Variants in PTPN3 observed in about 807,000 individuals in gnomAD.
The protein encoded by PTPN3 is tyrosine-protein phosphatase non-receptor type 3.
A neutral mutation model predicts 132.7 loss-of-function variants in PTPN3; 96 were observed. That is an observed-to-expected ratio of 0.72 (90% CI 0.61 to 0.86). The LOEUF (loss-of-function observed/expected upper bound fraction) is 0.86, where lower values mean the gene tolerates loss of function less well. Ranked by LOEUF, PTPN3 falls within the 40% of genes least tolerant of loss-of-function variation. PTPN3 has a pLI of 0.00. For synonymous variants in PTPN3, 398 were observed against 429.0 expected (o/e 0.93, Z 0.89); for missense variants, 1,125 against 1,159.6 (o/e 0.97, Z 0.43).
At chr9:109,500,000 A>C (rs1023319840), upstream of PTPN3, among the ~76,000 whole-genome samples, 3 of 152,200 alleles carry the variant, frequency 2.0e-5, no homozygotes, top group Admixed American at 1.3e-4. Context: ...CTGGAGGGGC[A>C]GGCGACGCCC....
chr9:109,390,339 C>T (rs1035065746), intron 21 of PTPN3, among the ~76,000 whole-genome samples: 13 of 152,192 alleles, frequency 8.5e-5, no homozygotes, highest in Admixed American at 1.3e-4. Flanking sequence ...GACCACGTAT[C>T]GCCTGAAGGC....
the PTPN3 span, among the ~76,000 whole-genome samples, chr9:109,537,146 A>C: frequency 4.7e-4 from 71 of 152,346 alleles, no homozygotes; most frequent in African/African-American, 1.7e-3. Context: ...AGATTAAGAA[A>C]GCATTAACAA....
chr9:109,380,419 C>T (rs1021600491), intron 25 of PTPN3, among the ~76,000 whole-genome samples: 4 of 152,166 alleles, frequency 2.6e-5, no homozygotes, highest in Non-Finnish European at 5.9e-5. Flanking sequence ...CCATGCCTGG[C>T]TAATTTTTGT....
At chr9:109,431,516 A>G (rs577915969) in intron 10 of PTPN3, among the ~76,000 whole-genome samples, 36 of 152,332 alleles carry the variant, frequency 2.4e-4, no homozygotes, top group African/African-American at 8.7e-4. Context: ...GCCCCAGCCC[A>G]CCAAGCAGGC....
At chr9:109,535,709 G>A in the PTPN3 span, among the ~76,000 whole-genome samples, 8 of 152,022 alleles carry the variant, frequency 5.3e-5, no homozygotes, top group African/African-American at 1.7e-4. Flanking sequence ...GTTTCACCAC[G>A]TTGGCCAGGC....
At chr9:109,533,907 G>A in the PTPN3 span, 5 of 753,354 alleles carry the variant, frequency 6.6e-6, no homozygotes, top group South Asian at 4.5e-5. Flanking sequence ...TAAGGGTTAC[G>A]GTCTGCTGCA....
At chr9:109,536,811 A>T in the PTPN3 span, among the ~76,000 whole-genome samples, 1 of 152,154 alleles carries the variant, frequency 6.6e-6, no homozygotes, top group Non-Finnish European at 1.5e-5. Context: ...CTTGCCTTTG[A>T]TGAACTTATT....
chr9:109,438,002 T>C, intron 8 of PTPN3, 112 bp downstream of exon 8: 1 of 1,318,898 alleles, frequency 7.6e-7, no homozygotes, highest in East Asian at 2.5e-5. Flanking sequence ...CCCCGACATC[T>C]TGAAAGAGGA....
At chr9:109,510,558 TAAAAAAAAAAA>T in the PTPN3 span, among the ~76,000 whole-genome samples, 9 of 74,132 alleles carry the variant, frequency 1.2e-4, no homozygotes, top group African/African-American at 4.4e-4. Context: ...AACTTTGTCT[TAAAAAAAAAAA>T]AAAAAAAATA....
the PTPN3 span, among the ~76,000 whole-genome samples, chr9:109,515,942 G>T: frequency 6.6e-6 from 1 of 152,312 alleles, no homozygotes. Flanking sequence ...TATCCAAACT[G>T]TATCACTAAT....
At chr9:109,507,953 GC>G in the PTPN3 span, among the ~76,000 whole-genome samples, 1 of 152,096 alleles carries the variant, frequency 6.6e-6, no homozygotes, top group Non-Finnish European at 1.5e-5. Context: ...GGTCATCCCA[GC>G]CCAAGCACAG....
intron 21 of PTPN3, 71 bp downstream of exon 21, chr9:109,391,067 C>T: frequency 7.1e-7 from 1 of 1,407,934 alleles, no homozygotes; most frequent in Non-Finnish European, 1.0e-6. Flanking sequence ...TGCAAAGCCC[C>T]ACACAGGCCC....
chr9:109,461,144 C>T (rs1261843451), intron 2 of PTPN3, among the ~76,000 whole-genome samples: 1 of 152,156 alleles, frequency 6.6e-6, no homozygotes, highest in Non-Finnish European at 1.5e-5. Context: ...AAATCAGATA[C>T]AAGACAAGGT....
the PTPN3 span, among the ~76,000 whole-genome samples, chr9:109,535,650 G>T: frequency 6.6e-6 from 1 of 152,050 alleles, no homozygotes; most frequent in Non-Finnish European, 1.5e-5. Context: ...GGGACTATAG[G>T]TGCGTGCCAC....
chr9:109,533,839 A>T, the PTPN3 span: 1 of 846,320 alleles, frequency 1.2e-6, no homozygotes, highest in East Asian at 2.4e-5. Flanking sequence ...CACTCTCGCT[A>T]TTCTGGTAGT....
chr9:109,450,363 A>G (rs905687714), intron 5 of PTPN3: 62 of 984,848 alleles, frequency 6.3e-5, no homozygotes, highest in Non-Finnish European at 5.7e-5. Context: ...CTCCTCCTAC[A>G]ATGCTACTGA....
chr9:109,436,052 T>C (rs571017388), intron 9 of PTPN3, among the ~76,000 whole-genome samples: 1 of 152,378 alleles, frequency 6.6e-6, no homozygotes, highest in South Asian at 2.1e-4. Flanking sequence ...AGAATGTCGA[T>C]TTCACAAGGT....
chr9:109,384,168 C>T (rs2131596911), intron 22 of PTPN3, among the ~76,000 whole-genome samples: 1 of 152,228 alleles, frequency 6.6e-6, no homozygotes, highest in South Asian at 2.1e-4. Context: ...GTGTGCAGTA[C>T]TTAGCCACTG....
chr9:109,528,380 A>G, the PTPN3 span, among the ~76,000 whole-genome samples: 1 of 152,236 alleles, frequency 6.6e-6, no homozygotes, highest in African/African-American at 2.4e-5. Flanking sequence ...ATGTTCATCA[A>G]TGGAATACTA....
Sources: allele counts gnomAD v4.1 joint callset (sites outside exome capture counted in the v4.1 genomes callset), GRCh38; gene constraint gnomAD v4.1.1; transcripts MANE v1.5; gene names NCBI Gene and HGNC (gene_info 2026-07-23, HGNC 2026-07-21).